Variants in PTPRB observed in about 807,000 individuals in gnomAD.
PTPRB encodes protein tyrosine phosphatase receptor type B, also known as receptor-type tyrosine-protein phosphatase beta.
PTPRB carries 97 observed loss-of-function variants against 238.1 expected under a neutral mutation model. The observed-to-expected ratio is 0.41, with a 90% CI of 0.35 to 0.48. The LOEUF (loss-of-function observed/expected upper bound fraction) is 0.48, where lower values mean the gene tolerates loss of function less well. PTPRB is among the 20% of genes least tolerant of loss of function. PTPRB has a pLI of 0.30. For synonymous variants in PTPRB, 970 were observed against 995.4 expected (o/e 0.97, Z 0.48); for missense variants, 2,292 against 2,681.9 (o/e 0.85, Z 3.21).
intron 2 of PTPRB, among the ~76,000 whole-genome samples, chr12:70,632,979 G>A (rs1442327425): frequency 6.6e-6 from 1 of 152,070 alleles, no homozygotes; most frequent in Non-Finnish European, 1.5e-5. Flanking sequence ...AATATTACCT[G>A]GAAACTTGAA....
chr12:70,584,245 C>T (rs1413203996), intron 9 of PTPRB, among the ~76,000 whole-genome samples: 1 of 151,968 alleles, frequency 6.6e-6, no homozygotes, highest in Non-Finnish European at 1.5e-5. Flanking sequence ...AGAGAGAAAA[C>T]ACATGGAAAA....
At chr12:70,628,700 G>A (rs1004149903) in intron 2 of PTPRB, among the ~76,000 whole-genome samples, 2 of 152,054 alleles carry the variant, frequency 1.3e-5, no homozygotes, top group Non-Finnish European at 2.9e-5. Flanking sequence ...CTTGGGGCCA[G>A]TGCTATTTCT....
At chr12:70,557,014 T>C (rs565069332) in intron 18 of PTPRB, among the ~76,000 whole-genome samples, 3 of 152,294 alleles carry the variant, frequency 2.0e-5, no homozygotes, top group East Asian at 1.9e-4. Context: ...AAGGAAAACA[T>C]ACCAGAAGAA....
At chr12:70,594,080 C>G (rs1882761640) in intron 6 of PTPRB, among the ~76,000 whole-genome samples, 1 of 152,164 alleles carries the variant, frequency 6.6e-6, no homozygotes, top group African/African-American at 2.4e-5. Context: ...TTGGAAATGA[C>G]TGTCACACAG....
intron 31 of PTPRB, among the ~76,000 whole-genome samples, chr12:70,533,216 C>T (rs1480877066): frequency 1.3e-5 from 2 of 152,072 alleles, no homozygotes; most frequent in Non-Finnish European, 2.9e-5. Flanking sequence ...AACAGTTCTC[C>T]AGTGGTCCTG....
In PTPRB at chr12:70,569,810, C is replaced by T. The variant is rs1447858576; in HGVS notation, c.3499G>A (p.Val1167Ile). The part of the protein sequence containing the change: ...TVSAFRHSQK[V>I]DSQTIPKHVF... ...TGCTTGGGAATAGTCTGAGAGTCAA[C>T]CTTTTGACTGTGCCTGAATGCCGAC... is the stretch of plus-strand genomic sequence containing the variant. The change falls in exon 14 of 34, where the codon GTT becomes ATT. Residue 1167 changes from valine to isoleucine, a missense_variant. Transcript: ENST00000334414. 6.2e-7 allele frequency: 1 copy of T among 1,613,930 alleles called. No individual in the cohort carries two copies. The highest frequency in any genetic ancestry group is 8.5e-7 in the Non-Finnish European group (1 of 1,179,886).
intron 6 of PTPRB, among the ~76,000 whole-genome samples, chr12:70,593,790 T>G (rs905583098): frequency 1.3e-4 from 20 of 152,142 alleles, no homozygotes; most frequent in African/African-American, 4.8e-4. Flanking sequence ...ATTAGATAAC[T>G]TACCAAGAGA....
intron 9 of PTPRB, among the ~76,000 whole-genome samples, chr12:70,581,715 C>T (rs1039623400): frequency 6.6e-6 from 1 of 152,008 alleles, no homozygotes; most frequent in African/African-American, 2.4e-5. Flanking sequence ...GAATTCCCTT[C>T]AGTCTGTTGA....
At chr12:70,627,134 G>C (rs1885241236) in intron 2 of PTPRB, among the ~76,000 whole-genome samples, 2 of 152,144 alleles carry the variant, frequency 1.3e-5, no homozygotes, top group African/African-American at 4.8e-5. Context: ...GCATTATGAA[G>C]ATGTGCCTGT....
chr12:70,561,171 G>C (rs995918343), intron 16 of PTPRB, among the ~76,000 whole-genome samples: 1 of 152,070 alleles, frequency 6.6e-6, no homozygotes, highest in Non-Finnish European at 1.5e-5. Flanking sequence ...ACCCTGATAG[G>C]CATGTAAAAT....
intron 9 of PTPRB, chr12:70,584,992 C>T (rs1313759623): frequency 1.2e-4 from 18 of 146,268 alleles, no homozygotes; most frequent in South Asian, 4.3e-4. Context: ...GGCAGGTTCT[C>T]GCTCTATCAC....
At chr12:70,533,369 T>C (rs1592402786) in intron 31 of PTPRB, among the ~76,000 whole-genome samples, 1 of 152,180 alleles carries the variant, frequency 6.6e-6, no homozygotes, top group Non-Finnish European at 1.5e-5. Context: ...ATGAGTACAC[T>C]TGGCATTTCT....
At chr12:70,544,103 C>G (rs891375631) in intron 22 of PTPRB, among the ~76,000 whole-genome samples, 1 of 152,026 alleles carries the variant, frequency 6.6e-6, no homozygotes, top group Admixed American at 6.6e-5. Flanking sequence ...ACATAATAAG[C>G]AAAAGGAAGA....
chr12:70,603,702 G>T (rs7300429), intron 4 of PTPRB, among the ~76,000 whole-genome samples: 32,695 of 152,088 alleles, frequency 0.21, 3,639 homozygotes, highest in South Asian at 0.29. Flanking sequence ...TTCTAGATTT[G>T]ATGTATGAAC....
chr12:70,570,842 TG>T (rs1315076183), intron 13 of PTPRB, 183 bp downstream of exon 13: 2 of 700,020 alleles, frequency 2.9e-6, no homozygotes, highest in Non-Finnish European at 4.7e-6. Context: ...CACTCTCTGC[TG>T]ACATCATACT....
chr12:70,622,045 A>C (rs1395968738), intron 3 of PTPRB, among the ~76,000 whole-genome samples: 1 of 152,194 alleles, frequency 6.6e-6, no homozygotes, highest in African/African-American at 2.4e-5. Context: ...ATTATGACAT[A>C]TACTCAGGGT....
intron 2 of PTPRB, among the ~76,000 whole-genome samples, chr12:70,627,936 C>A (rs1046849437): frequency 1.3e-5 from 2 of 152,126 alleles, no homozygotes; most frequent in African/African-American, 4.8e-5. Context: ...ACAACTTCTA[C>A]GAAAACTTTT....
chr12:70,635,546 T>A (rs561763938), intron 2 of PTPRB, 125 bp downstream of exon 2: 2 of 1,209,018 alleles, frequency 1.7e-6, no homozygotes, highest in South Asian at 1.6e-5. Flanking sequence ...GAATCTTCCA[T>A]AGGAAATATG....
At position 70,560,345 on chromosome 12, in the gene PTPRB, C is replaced by T. The variant is rs529335931; in HGVS notation, c.4432+326G>A. Among the ~76,000 whole-genome samples the T allele has an allele frequency of 6.6e-6, 1 of 152,184 alleles. No individual in the cohort carries two copies. Among genetic ancestry groups the T allele is most frequent in the African/African-American group, 2.4e-5 (1 of 41,514 alleles). On this transcript the variant is annotated intron_variant, in intron 17 of 33. Transcript: ENST00000334414. The surrounding 1 kb of genome is among the most constrained non-coding windows in gnomAD (Gnocchi z 4.2). ...GGTGGCACACAGACCTCTGTGTGTG[C>T]CCATGACATAAAAACAGTTAGGAAG...
Sources: gnomAD v4.1 joint callset for allele counts (sites outside exome capture counted in the v4.1 genomes callset) on GRCh38, gnomAD v4.1.1 for gene constraint, Gnocchi (gnomAD v3.1) non-coding constraint, MANE v1.5 for transcripts, NCBI Gene and HGNC (gene_info 2026-07-23, HGNC 2026-07-21) for gene names.